The following RELN variants were observed in gnomAD, a reference collection of about 807,000 sequenced individuals.
RELN encodes reelin.
A neutral mutation model predicts 427.6 loss-of-function variants in RELN; 108 were observed. The observed-to-expected ratio is 0.25, with a 90% CI of 0.22 to 0.30. RELN has a LOEUF of 0.30. RELN is among the 10% of genes least tolerant of loss of function. The probability of loss-of-function intolerance (pLI) is 1.00; values close to 1 mark genes in which losing one functional copy is unlikely to be tolerated. For synonymous variants in RELN, 1,524 were observed against 1,513.4 expected, an observed-to-expected ratio of 1.01 and a Z score of -0.16; for missense variants, 3,715 against 4,302.8, an observed-to-expected ratio of 0.86 and a Z score of 3.82.
chr7:103,707,589 C>T (rs1834232960), intron 8 of RELN, among the ~76,000 whole-genome samples: 1 of 151,402 alleles, frequency 6.6e-6, no homozygotes, highest in Admixed American at 6.6e-5. Flanking sequence ...ATCTTTGCTT[C>T]ATGGGTTCAA....
intron 11 of RELN, among the ~76,000 whole-genome samples, chr7:103,661,866 G>T (rs1833151598): frequency 6.6e-6 from 1 of 152,062 alleles, no homozygotes; most frequent in Non-Finnish European, 1.5e-5. Flanking sequence ...GGAAATCAAT[G>T]AACTAAGGAA....
chr7:103,538,964 C>T lies in RELN; in HGVS notation c.7180+114G>A, dbSNP rs906425532. On this transcript the variant is annotated intron_variant, in intron 45 of 64. Coordinates refer to ENST00000428762, the MANE Select transcript of RELN (RefSeq NM_005045.4). ...GTACAGTGTGGTTTGACTCAAAGTG[C>T]ACTTGTGTTTTATTTACAGACCTAT... is the stretch of plus-strand genomic sequence containing the variant. 12 of 1,163,244 alleles carry T rather than the reference C, an allele frequency of 1.0e-5. No homozygotes were observed. In the Admixed American group the frequency reaches 1.7e-4, roughly 16 times the overall value. The allele number at this position is 1,163,244 out of a possible 1,614,324, so 72.1% of individuals were successfully genotyped here.
intron 3 of RELN, among the ~76,000 whole-genome samples, chr7:103,801,774 C>T (rs543815815): frequency 1.3e-5 from 2 of 151,860 alleles, no homozygotes; most frequent in South Asian, 2.1e-4. Context: ...ATGATAGTAC[C>T]CACCTCATAG....
At chr7:103,816,029 G>C (rs1792860578) in intron 3 of RELN, among the ~76,000 whole-genome samples, 1 of 152,192 alleles carries the variant, frequency 6.6e-6, no homozygotes, top group Non-Finnish European at 1.5e-5. Context: ...TTGCTCTAGA[G>C]TTTTATCTTC....
intron 6 of RELN, 65 bp from the exon 7 acceptor site, chr7:103,728,272 G>C (rs1372518203): frequency 1.1e-5 from 15 of 1,401,160 alleles, no homozygotes; most frequent in South Asian, 5.8e-5. Context: ...TACTGCTCAG[G>C]TAAGAAACGA....
At chr7:103,702,194 G>A (rs1834107918) in intron 8 of RELN, among the ~76,000 whole-genome samples, 1 of 152,226 alleles carries the variant, frequency 6.6e-6, no homozygotes, top group Non-Finnish European at 1.5e-5. Context: ...CTTTTCATGA[G>A]CAGCTGCTTA....
At chr7:103,981,007 A>G (rs1360949362) in intron 1 of RELN, among the ~76,000 whole-genome samples, 1 of 152,234 alleles carries the variant, frequency 6.6e-6, no homozygotes, top group Non-Finnish European at 1.5e-5. Context: ...ACATATCTCA[A>G]CATTCACAAC....
intron 28 of RELN, 139 bp downstream of exon 28, chr7:103,589,453 TATAA>T (rs1261775128): frequency 1.5e-6 from 1 of 662,942 alleles, no homozygotes; most frequent in Admixed American, 2.5e-5. Context: ...CCTTTTAAGA[TATAA>T]ATAAATGTTT....
chr7:103,583,647 T>C (rs6964372), intron 28 of RELN, among the ~76,000 whole-genome samples: 31,533 of 152,032 alleles, frequency 0.21, 3,565 homozygotes, highest in East Asian at 0.34. Context: ...ATACCTTGAA[T>C]AGAACATCTA....
At chr7:103,906,514 G>A (rs79862436) in intron 2 of RELN, among the ~76,000 whole-genome samples, 1 of 145,198 alleles carries the variant, frequency 6.9e-6, no homozygotes, top group Non-Finnish European at 1.5e-5. Context: ...GAAAGCTCCG[G>A]TACCTCAGGC....
At chr7:103,918,228 A>G (rs1795531869) in intron 1 of RELN, among the ~76,000 whole-genome samples, 1 of 152,132 alleles carries the variant, frequency 6.6e-6, no homozygotes, top group African/African-American at 2.4e-5. Flanking sequence ...GGCATGGGGG[A>G]TTGGAACAAA....
chr7:103,850,092 A>G lies in RELN; in HGVS notation c.338-16420T>C, dbSNP rs80204157. On this transcript the variant is annotated intron_variant, in intron 2 of 64. Transcript: ENST00000428762. ...CATTACAGAGGGTTTTATCTTCCCA[A>G]TGATGGTTATGTGTTATGACTTTTT... is the stretch of plus-strand genomic sequence containing the variant. Among the ~76,000 whole-genome samples, 568 of 152,342 alleles carry G rather than the reference A, an allele frequency of 3.7e-3. 18 individuals are homozygous for G. The East Asian group carries it at 0.062, about 17-fold the overall frequency.
rs545326328 is a variant in RELN, at chr7:103,510,284, T to G, written c.8274+567A>C. 3.9e-5 allele frequency among the ~76,000 whole-genome samples: 6 copies of G among 152,286 alleles called. No homozygotes were observed. The East Asian group carries it at 1.2e-3, about 29-fold the overall frequency. ...CTGGATAAAGAAAATGTGGCACATA[T>G]ACACCATGGAATACTATGCAACCAT... On this transcript the variant is annotated intron_variant, in intron 51 of 64. Coordinates refer to ENST00000428762, the MANE Select transcript of RELN (RefSeq NM_005045.4).
At chr7:103,491,704 C>T (rs945189307) in intron 58 of RELN, among the ~76,000 whole-genome samples, 2 of 151,966 alleles carry the variant, frequency 1.3e-5, no homozygotes, top group African/African-American at 2.4e-5. Context: ...TGACACATGC[C>T]TGTAATCCCA....
chr7:103,642,777 G>C (rs889693579), intron 16 of RELN, among the ~76,000 whole-genome samples: 1 of 151,894 alleles, frequency 6.6e-6, no homozygotes, highest in Non-Finnish European at 1.5e-5. Context: ...AAGTAATAAA[G>C]GTTCATTATA....
Position 103,515,366 on chromosome 7 carries a change from G to A in RELN, c.7938C>T (p.Asp2646=), listed in dbSNP as rs748558740. The A allele has an allele frequency of 2.7e-5, 44 of 1,614,006 alleles. 1 individual carries two copies. The highest frequency in any genetic ancestry group is 1.3e-4 in the Admixed American group (8 of 60,008). The change falls in exon 50 of 65, where the codon GAC becomes GAT. Residue 2646 remains aspartate (D), a synonymous_variant. Transcript: ENST00000428762. ...TRFRWWQPRH[D]GLDQNDWAID... Reference sequence around the variant, plus strand: ...TGGCCCAGTCGTTCTGATCCAGGCCGTCATGTCTTGGCTGCCACCAGCGGA... The same window carrying A: ...TGGCCCAGTCGTTCTGATCCAGGCCATCATGTCTTGGCTGCCACCAGCGGA...
At chr7:103,788,956 C>G (rs1234078193) in intron 3 of RELN, among the ~76,000 whole-genome samples, 1 of 152,076 alleles carries the variant, frequency 6.6e-6, no homozygotes, top group Non-Finnish European at 1.5e-5. Context: ...GCTACAGTAA[C>G]CAAAACCGCA....
chr7:103,746,218 A>G (rs181397747), intron 6 of RELN, among the ~76,000 whole-genome samples: 17 of 152,346 alleles, frequency 1.1e-4, no homozygotes, highest in Admixed American at 5.9e-4. Flanking sequence ...AGCCATACAC[A>G]GAAAGCTGAA....
intron 1 of RELN, among the ~76,000 whole-genome samples, chr7:103,930,668 T>A (rs927983421): frequency 1.3e-5 from 2 of 152,182 alleles, no homozygotes; most frequent in East Asian, 3.9e-4. Context: ...GGTATAGATA[T>A]GTGGCCCAGG....
Sources: gnomAD v4.1 joint callset for allele counts (sites outside exome capture counted in the v4.1 genomes callset) on GRCh38, gnomAD v4.1.1 for gene constraint, MANE v1.5 for transcripts, NCBI Gene and HGNC (gene_info 2026-07-23, HGNC 2026-07-21) for gene names.